The following EVI5 variants were observed in gnomAD, a reference collection of about 807,000 sequenced individuals.
The protein encoded by EVI5 is ecotropic viral integration site 5.
Under a neutral mutation model 112.0 loss-of-function variants are expected in EVI5, and 73 were observed. The ratio of observed to expected loss-of-function variants is 0.65; its 90% CI spans 0.54 to 0.79. The LOEUF (loss-of-function observed/expected upper bound fraction) is 0.79. Ranked by LOEUF, EVI5 falls within the 30% of genes least tolerant of loss-of-function variation. The probability of loss-of-function intolerance (pLI) is 0.00; values close to 1 mark genes in which losing one functional copy is unlikely to be tolerated. For missense variants in EVI5, 900 were observed against 968.8 expected (o/e 0.93, Z 0.94); for synonymous variants, 305 against 319.9 (o/e 0.95, Z 0.50).
chr1:92,618,428 A>T (rs1653723800), intron 16 of EVI5, among the ~76,000 whole-genome samples: 1 of 152,180 alleles, frequency 6.6e-6, no homozygotes. Context: ...CTAAGAAGGG[A>T]ATTACAGTGT....
chr1:92,625,763 T>G (rs768609219), intron 15 of EVI5, 31 bp downstream of exon 15: 1 of 1,602,316 alleles, frequency 6.2e-7, no homozygotes, highest in East Asian at 2.2e-5. Context: ...TTACTCTCTT[T>G]TAAAAAAGCA....
intron 14 of EVI5, among the ~76,000 whole-genome samples, chr1:92,630,271 T>C (rs1656710109): frequency 6.6e-6 from 1 of 152,226 alleles, no homozygotes; most frequent in African/African-American, 2.4e-5. Context: ...TGAACTAGTT[T>C]ACAGTCCCAC....
intron 13 of EVI5, among the ~76,000 whole-genome samples, chr1:92,645,584 G>A (rs568923349): frequency 6.6e-6 from 1 of 152,160 alleles, no homozygotes; most frequent in South Asian, 2.1e-4. Flanking sequence ...CAGATTCACT[G>A]ATATTTTGGG....
intron 18 of EVI5, among the ~76,000 whole-genome samples, chr1:92,589,349 G>C (rs144635133): frequency 6.6e-6 from 1 of 152,086 alleles, no homozygotes; most frequent in East Asian, 1.9e-4. Context: ...AAGGGGTCAG[G>C]GAATTCCCTT....
chr1:92,512,030 C>T lies in EVI5; in HGVS notation c.*1626G>A, dbSNP rs1659221389. 6.6e-6 allele frequency: 1 copy of T among 151,650 alleles called. No homozygotes were observed. Among genetic ancestry groups the T allele is most frequent in the African/African-American group, 2.4e-5 (1 of 41,100 alleles). The allele number at this position is 151,650 out of a possible 1,614,324, so 9.4% of individuals were successfully genotyped here. A position where few individuals can be genotyped will look rare whatever the true frequency, so the allele number is the denominator to read the frequency against. Reference sequence around the variant, plus strand: ...AACAAAATGTTTTTTTTTTCATAGGCTAACAAAAATGAGAGTAGAAAGTAC... The same window carrying T: ...AACAAAATGTTTTTTTTTTCATAGGTTAACAAAAATGAGAGTAGAAAGTAC... On this transcript the variant is annotated 3_prime_UTR_variant, in exon 20 of 20. Coordinates refer to ENST00000684568, the MANE Select transcript of EVI5 (RefSeq NM_001350197.2).
intron 9 of EVI5, among the ~76,000 whole-genome samples, chr1:92,692,816 C>T (rs536540843): frequency 1.3e-5 from 2 of 152,262 alleles, no homozygotes; most frequent in South Asian, 2.1e-4. Flanking sequence ...AGAAAAACTG[C>T]TAACTGCTAG....
At chr1:92,677,338 A>G (rs1666918817) in intron 9 of EVI5, 120 bp from the exon 10 acceptor site, 7 of 545,760 alleles carry the variant, frequency 1.3e-5, no homozygotes, top group Admixed American at 3.8e-5. Context: ...CTTCTAGCTT[A>G]TAACTTGGAG....
intron 14 of EVI5, among the ~76,000 whole-genome samples, chr1:92,635,521 A>G (rs1658603321): frequency 6.6e-6 from 1 of 152,116 alleles, no homozygotes; most frequent in Admixed American, 6.5e-5. Context: ...TGCTCAGACC[A>G]TCGGAAAAGC....
intron 18 of EVI5, among the ~76,000 whole-genome samples, chr1:92,593,550 G>C (rs1434521932): frequency 6.6e-6 from 1 of 152,158 alleles, no homozygotes. Context: ...ATTCAACATA[G>C]TGTTGGAAAT....
intron 1 of EVI5, among the ~76,000 whole-genome samples, chr1:92,770,081 C>A (rs757427037): frequency 1.3e-5 from 2 of 152,092 alleles, no homozygotes; most frequent in African/African-American, 2.4e-5. Flanking sequence ...ATACAAGGAA[C>A]GCAGCTCGAG....
intron 1 of EVI5, among the ~76,000 whole-genome samples, chr1:92,755,482 T>G (rs963105054): frequency 3.3e-5 from 5 of 152,214 alleles, no homozygotes; most frequent in Non-Finnish European, 7.3e-5. Context: ...AAATTAGTAT[T>G]TTTAAAGACA....
intron 16 of EVI5, among the ~76,000 whole-genome samples, chr1:92,623,140 T>C (rs1038796014): frequency 6.6e-6 from 1 of 152,158 alleles, no homozygotes; most frequent in African/African-American, 2.4e-5. Context: ...AACTTCCCAT[T>C]GTAAAACTTA....
At chr1:92,598,136 C>G (rs1648337134) in intron 18 of EVI5, among the ~76,000 whole-genome samples, 1 of 151,878 alleles carries the variant, frequency 6.6e-6, no homozygotes, top group Non-Finnish European at 1.5e-5. Flanking sequence ...CCACCACTGC[C>G]CAAAAGAGAA....
chr1:92,746,101 T>G (rs1679210959), intron 1 of EVI5, among the ~76,000 whole-genome samples: 1 of 152,192 alleles, frequency 6.6e-6, no homozygotes, highest in Admixed American at 6.5e-5. Context: ...TGAACCCATG[T>G]TCTAATAAAG....
Position 92,761,908 on chromosome 1 carries a change from G to A in EVI5, c.-82+22928C>T, listed in dbSNP as rs139033705. Among the ~76,000 whole-genome samples, 112 of 149,824 alleles carry A rather than the reference G, an allele frequency of 7.5e-4. 1 individual carries two copies. Among genetic ancestry groups the A allele is most frequent in the South Asian group, 4.4e-3 (21 of 4,800 alleles). On this transcript the variant is annotated intron_variant, in intron 1 of 19. Transcript: ENST00000684568. ...TCCAATTCTGTAAATGGGAATAAAC[G>A]CCCATGCAATGTCTTGCATATTATA...
At chr1:92,788,013 G>A (rs1685780041), upstream of EVI5, among the ~76,000 whole-genome samples, 1 of 151,986 alleles carries the variant, frequency 6.6e-6, no homozygotes, top group Non-Finnish European at 1.5e-5. Flanking sequence ...TCATAACAGT[G>A]GTTCCCTGTG....
chr1:92,560,276 G>T (rs1297526956), intron 19 of EVI5, among the ~76,000 whole-genome samples: 1 of 152,142 alleles, frequency 6.6e-6, no homozygotes, highest in African/African-American at 2.4e-5. Context: ...AAACAATGTT[G>T]AGCAAAACAA....
intron 19 of EVI5, among the ~76,000 whole-genome samples, chr1:92,551,137 G>T (rs1167937848): frequency 7.3e-6 from 1 of 137,312 alleles, no homozygotes; most frequent in East Asian, 2.4e-4. Flanking sequence ...CAACCTCCTG[G>T]GTCAAGCGAT....
At chr1:92,670,567 T>C (rs1376802958) in intron 10 of EVI5, among the ~76,000 whole-genome samples, 1 of 152,238 alleles carries the variant, frequency 6.6e-6, no homozygotes, top group East Asian at 1.9e-4. Flanking sequence ...TTTGAGTCTG[T>C]ACCTATGCCA....
Sources: allele counts gnomAD v4.1 joint callset (sites outside exome capture counted in the v4.1 genomes callset), GRCh38; gene constraint gnomAD v4.1.1; transcripts MANE v1.5; gene names NCBI Gene and HGNC (gene_info 2026-07-23, HGNC 2026-07-21).